The following CSMD1 variants were observed in gnomAD, a reference collection of about 807,000 sequenced individuals.
CSMD1 encodes the protein CUB and Sushi multiple domains 1.
Under a neutral mutation model 417.5 loss-of-function variants are expected in CSMD1, and 213 were observed. That is an observed-to-expected ratio of 0.51 (90% CI 0.46 to 0.57). The LOEUF (loss-of-function observed/expected upper bound fraction) is 0.57. CSMD1 is among the 20% of genes least tolerant of loss of function. The probability of loss-of-function intolerance (pLI) is 0.00; values close to 1 mark genes in which losing one functional copy is unlikely to be tolerated. For synonymous variants in CSMD1, 2,862 were observed against 1,736.8 expected (o/e 1.65, Z -16.11); for missense variants, 6,923 against 4,529.7 (o/e 1.53, Z -15.17).
intron 10 of CSMD1, among the ~76,000 whole-genome samples, chr8:3,510,214 A>T (rs369124004): frequency 4.6e-5 from 7 of 151,660 alleles, no homozygotes; most frequent in African/African-American, 1.7e-4. Flanking sequence ...GACATCAGGG[A>T]GTCGGCAGGA....
At chr8:3,760,041 A>C (rs1797905728) in intron 5 of CSMD1, among the ~76,000 whole-genome samples, 2 of 152,130 alleles carry the variant, frequency 1.3e-5, no homozygotes, top group African/African-American at 4.8e-5. Flanking sequence ...GCCTGGTGAA[A>C]TCAAACGGAG....
At position 4,092,057 on chromosome 8, in the gene CSMD1, C is replaced by G. The variant is rs73658570; in HGVS notation, c.416-59958G>C. Reference sequence around the variant, plus strand: ...CACAGGGAAGGGGGCAATTTTATTTCATTGCTAGCACTACTTAGAAGCTTA... The same window carrying G: ...CACAGGGAAGGGGGCAATTTTATTTGATTGCTAGCACTACTTAGAAGCTTA... On this transcript the variant is annotated intron_variant, in intron 3 of 69. Transcript: ENST00000635120. 1.4e-3 allele frequency among the ~76,000 whole-genome samples: 211 copies of G among 152,232 alleles called. 2 individuals are homozygous for G. The highest frequency in any genetic ancestry group is 4.8e-3 in the African/African-American group (198 of 41,532).
intron 41 of CSMD1, among the ~76,000 whole-genome samples, chr8:3,130,889 T>A (rs1292693326): frequency 6.6e-6 from 1 of 152,210 alleles, no homozygotes; most frequent in African/African-American, 2.4e-5. Context: ...GCCTCCAGTC[T>A]CACTCTATTT....
In CSMD1 at chr8:3,411,925, TATATACACGTATATATGC is replaced by T. The variant is rs1563361718; in HGVS notation, c.1562-2338_1562-2321del. Among the ~76,000 whole-genome samples the T allele has an allele frequency of 3.8e-4, 50 of 129,990 alleles. 6 individuals are homozygous for T. Among genetic ancestry groups the T allele is most frequent in the African/African-American group, 5.2e-4 (18 of 34,366 alleles). 85.3% of individuals were successfully genotyped at this position (129,990 alleles called of 152,430 possible). ...ATATATACACGTATATATGCACGTATATATACACGTATATATGCACGTATATATACACGTATATATGCA... is the reference window on the plus strand; with the variant it reads ...ATATATACACGTATATATGCACGTATACGTATATATACACGTATATATGCA... On this transcript the variant is annotated intron_variant, in intron 12 of 69. Transcript: ENST00000635120.
intron 12 of CSMD1, among the ~76,000 whole-genome samples, chr8:3,424,408 A>C (rs1813691250): frequency 6.6e-6 from 1 of 152,232 alleles, no homozygotes; most frequent in African/African-American, 2.4e-5. Flanking sequence ...AGAGTGTACC[A>C]AGCAAAACAT....
At position 3,212,571 on chromosome 8, in the gene CSMD1, C is replaced by T. The variant is rs1432425647; in HGVS notation, c.4867+1926G>A. ...GTTTTGTCATGTTGCTCAGGCTGGTCTCAAACTCCTGAGCTCAAGGGATCC... is the reference window on the plus strand; with the variant it reads ...GTTTTGTCATGTTGCTCAGGCTGGTTTCAAACTCCTGAGCTCAAGGGATCC... On this transcript the variant is annotated intron_variant, in intron 30 of 69. Transcript: ENST00000635120. 2.0e-5 allele frequency among the ~76,000 whole-genome samples: 3 copies of T among 152,094 alleles called. No individual in the cohort carries two copies. The East Asian group carries it at 5.8e-4, about 30-fold the overall frequency.
Position 3,707,805 on chromosome 8 carries a change from G to A in CSMD1, c.1009+609C>T, listed in dbSNP as rs570670393. ...CCAGGCATGGTCAGGGCTTCCTATG[G>A]CTGAGTGATGACGATGGGCATTTAG... On this transcript the variant is annotated intron_variant, in intron 7 of 69. Transcript: ENST00000635120. Among the ~76,000 whole-genome samples the A allele has an allele frequency of 6.6e-5, 10 of 152,302 alleles. No homozygotes were observed. In the East Asian group the frequency reaches 1.9e-3, roughly 29 times the overall value.
intron 49 of CSMD1, among the ~76,000 whole-genome samples, chr8:3,062,705 A>G (rs927855611): frequency 2.6e-5 from 4 of 152,152 alleles, no homozygotes; most frequent in African/African-American, 4.8e-5. Flanking sequence ...AATTTGAAAC[A>G]GACAAAAAAG....
rs1563153013 is a variant in CSMD1 at position 3,558,613 on chromosome 8, T to TG, written c.1344+16331_1344+16332insC. On this transcript the variant is annotated intron_variant, in intron 10 of 69. Transcript: ENST00000635120. The stretch of plus-strand genomic sequence containing the variant: ...CTCAATAGTACCCCGTGTCCACTCC[T>TG]CCAATGATGAATAGTGCCTCAATAG... Among the ~76,000 whole-genome samples, 51 of 127,950 alleles carry TG rather than the reference T, an allele frequency of 4.0e-4. No individual in the cohort carries two copies. In the East Asian group the frequency reaches 0.012, roughly 31 times the overall value. The allele number at this position is 127,950 out of a possible 152,430, so 83.9% of individuals were successfully genotyped here. A position where few individuals can be genotyped will look rare whatever the true frequency, so the allele number is the denominator to read the frequency against.
Position 4,912,122 on chromosome 8 carries a change from CAAAAA to C in CSMD1, c.85+82205_85+82209del, listed in dbSNP as rs36194482. On this transcript the variant is annotated intron_variant, in intron 1 of 69. Coordinates refer to ENST00000635120, the MANE Select transcript of CSMD1 (RefSeq NM_033225.6). ...ACTTTTCTAGTGCTCAACATAGCTTCAAAAAAAAAAAAAAAAAAAGAAAGAAAGAA... is the reference window on the plus strand; with the variant it reads ...ACTTTTCTAGTGCTCAACATAGCTTCAAAAAAAAAAAAAAGAAAGAAAGAA... Among the ~76,000 whole-genome samples, 559 of 84,596 alleles carry C rather than the reference CAAAAA, an allele frequency of 6.6e-3. 6 individuals are homozygous for C. Among genetic ancestry groups the C allele is most frequent in the African/African-American group, 0.021 (522 of 25,080 alleles). The allele number at this position is 84,596 out of a possible 152,430, so 55.5% of individuals were successfully genotyped here. A position where few individuals can be genotyped will look rare whatever the true frequency, so the allele number is the denominator to read the frequency against.
chr8:3,465,664 T>G (rs1816755337), intron 12 of CSMD1, among the ~76,000 whole-genome samples: 1 of 152,186 alleles, frequency 6.6e-6, no homozygotes, highest in African/African-American at 2.4e-5. Flanking sequence ...TATTCCTGAT[T>G]TCTTGTCAAG....
chr8:3,657,534 T>C (rs917542282), intron 7 of CSMD1, among the ~76,000 whole-genome samples: 1 of 152,166 alleles, frequency 6.6e-6, no homozygotes, highest in Non-Finnish European at 1.5e-5. Flanking sequence ...GGTGAGTTCA[T>C]GTCCTTTGCA....
chr8:3,728,412 A>C (rs377252736), intron 6 of CSMD1, among the ~76,000 whole-genome samples: 66 of 152,362 alleles, frequency 4.3e-4, no homozygotes, highest in African/African-American at 1.5e-3. Context: ...GCAGCATGAA[A>C]ACAGACTAAT....
chr8:3,276,315 C>G (rs563469124), intron 26 of CSMD1, among the ~76,000 whole-genome samples: 1 of 152,180 alleles, frequency 6.6e-6, no homozygotes, highest in East Asian at 1.9e-4. Context: ...AGAACCACTG[C>G]TCTCTTCAAA....
chr8:4,182,629 A>G (rs930138036), intron 3 of CSMD1, among the ~76,000 whole-genome samples: 49 of 152,304 alleles, frequency 3.2e-4, no homozygotes, highest in African/African-American at 1.2e-3. Flanking sequence ...TGTTTATCAT[A>G]TATACTCATT....
chr8:4,282,851 C>A (rs536057531), intron 3 of CSMD1, among the ~76,000 whole-genome samples: 3 of 152,156 alleles, frequency 2.0e-5, no homozygotes, highest in South Asian at 2.1e-4. Context: ...ATCTGACAAA[C>A]GTTCATTTTC....
chr8:3,394,766 A>T (rs1382007574), intron 17 of CSMD1, among the ~76,000 whole-genome samples: 3 of 152,202 alleles, frequency 2.0e-5, no homozygotes, highest in African/African-American at 7.2e-5. Context: ...TAAAGAAACA[A>T]AATGTAAAAT....
intron 37 of CSMD1, among the ~76,000 whole-genome samples, chr8:3,163,749 G>C (rs893511994): frequency 1.3e-5 from 2 of 152,132 alleles, no homozygotes; most frequent in Non-Finnish European, 2.9e-5. Flanking sequence ...AAGCTACAGA[G>C]TCAGCAGCAA....
intron 12 of CSMD1, among the ~76,000 whole-genome samples, chr8:3,442,013 T>G (rs1179760000): frequency 6.6e-6 from 1 of 151,910 alleles, no homozygotes; most frequent in African/African-American, 2.4e-5. Context: ...GCCTAAGCTA[T>G]GTTTTGTGTG....
Sources: allele counts gnomAD v4.1 joint callset (sites outside exome capture counted in the v4.1 genomes callset), GRCh38; gene constraint gnomAD v4.1.1; transcripts MANE v1.5; gene names NCBI Gene and HGNC (gene_info 2026-07-23, HGNC 2026-07-21).